The following VPS54 variants were observed in gnomAD, a reference collection of about 807,000 sequenced individuals.
VPS54 encodes VPS54 subunit of GARP complex, also known as vacuolar protein sorting-associated protein 54.
VPS54 carries 45 observed loss-of-function variants against 121.5 expected under a neutral mutation model. The observed-to-expected ratio is 0.37, with a 90% CI of 0.29 to 0.47. The LOEUF (loss-of-function observed/expected upper bound fraction) is 0.47. Among genes scored for constraint, VPS54 ranks in the 20% least tolerant of loss-of-function variants. VPS54 has a pLI of 0.99. For missense variants in VPS54, 1,090 were observed against 1,131.4 expected, an observed-to-expected ratio of 0.96 and a Z score of 0.52; for synonymous variants, 371 against 385.8, an observed-to-expected ratio of 0.96 and a Z score of 0.45.
chr2:63,988,838 G>A (rs1429938070), intron 1 of VPS54, among the ~76,000 whole-genome samples: 1 of 152,196 alleles, frequency 6.6e-6, no homozygotes, highest in Admixed American at 6.5e-5. Context: ...GCGATGTTCA[G>A]GGAACAAGGG....
chr2:63,944,488 T>C, intron 10 of VPS54, 112 bp downstream of exon 10: 1 of 1,015,070 alleles, frequency 9.9e-7, no homozygotes, highest in South Asian at 1.4e-5. Context: ...TCCTACACCC[T>C]GCTCACACCT....
intron 1 of VPS54, among the ~76,000 whole-genome samples, chr2:64,013,550 T>C (rs931121575): frequency 6.7e-6 from 1 of 148,154 alleles, no homozygotes; most frequent in African/African-American, 2.5e-5. Context: ...AATGCTGATA[T>C]ATATATATGA....
chr2:63,981,287 G>C (rs1306098706), intron 3 of VPS54, among the ~76,000 whole-genome samples: 1 of 152,068 alleles, frequency 6.6e-6, no homozygotes, highest in Non-Finnish European at 1.5e-5. Flanking sequence ...CTATAGAATT[G>C]TATGCAGTGA....
At chr2:63,902,393 C>T (rs1672717521) in intron 20 of VPS54, among the ~76,000 whole-genome samples, 1 of 152,126 alleles carries the variant, frequency 6.6e-6, no homozygotes, top group South Asian at 2.1e-4. Context: ...CTAAGGGTAA[C>T]AGCAGCAACA....
chr2:63,996,415 C>T (rs536812665), intron 1 of VPS54, among the ~76,000 whole-genome samples: 2 of 152,188 alleles, frequency 1.3e-5, no homozygotes, highest in South Asian at 4.1e-4. Flanking sequence ...ACCTCAGGAC[C>T]CTGTGATGAT....
intron 1 of VPS54, among the ~76,000 whole-genome samples, chr2:63,985,840 A>G (rs951552204): frequency 6.6e-6 from 1 of 152,200 alleles, no homozygotes; most frequent in Non-Finnish European, 1.5e-5. Context: ...GGCCTCTGTC[A>G]TTTATATCCA....
In VPS54 at chr2:63,981,730, A is replaced by C; in HGVS notation, c.294T>G (p.Phe98Leu). ...ATGAAGGTATGACTTCAGTGTCCAC[A>C]AAGTCCAATCCCCATGTTTTTGTGA... is the stretch of plus-strand genomic sequence containing the variant. ...DFFTKTWGLD[F>L]VDTEVIPSFY... is the part of the protein sequence containing the mutation. Residue 98 changes from phenylalanine to leucine, a missense_variant, in exon 3 of 23, where the codon TTT becomes TTG. Physicochemically the swap from Phe to Leu is conservative, Grantham distance 22. Coordinates refer to ENST00000272322, the MANE Select transcript of VPS54 (RefSeq NM_016516.3). 6.2e-7 allele frequency: 1 copy of C among 1,613,778 alleles called. No homozygotes were observed.
intron 9 of VPS54, 62 bp from the exon 10 acceptor site, chr2:63,944,717 C>A: frequency 7.0e-7 from 1 of 1,419,066 alleles, no homozygotes; most frequent in Admixed American, 1.9e-5. Flanking sequence ...CCTAAGTATT[C>A]CATGTTCCAT....
chr2:63,903,072 A>G (rs1672756148), intron 20 of VPS54, among the ~76,000 whole-genome samples: 1 of 152,158 alleles, frequency 6.6e-6, no homozygotes, highest in South Asian at 2.1e-4. Flanking sequence ...CCGAAATCTC[A>G]AGAGAGAAAT....
At chr2:63,982,622 T>A (rs999274635) in intron 2 of VPS54, among the ~76,000 whole-genome samples, 1 of 152,216 alleles carries the variant, frequency 6.6e-6, no homozygotes, top group African/African-American at 2.4e-5. Flanking sequence ...AACAGTACTA[T>A]AATTTATGCC....
chr2:63,957,512 ACAAT>A (rs1423766296), intron 7 of VPS54, among the ~76,000 whole-genome samples: 1 of 151,988 alleles, frequency 6.6e-6, no homozygotes, highest in African/African-American at 2.4e-5. Context: ...TTCAGGTAGT[ACAAT>A]CATTCAAAAT....
intron 4 of VPS54, among the ~76,000 whole-genome samples, chr2:63,970,890 T>C (rs1676255052): frequency 6.6e-6 from 1 of 152,156 alleles, no homozygotes; most frequent in African/African-American, 2.4e-5. Context: ...ACCATGCTAT[T>C]GTCCAGCATA....
chr2:63,941,052 G>C (rs1179241912), intron 11 of VPS54, among the ~76,000 whole-genome samples: 6 of 152,112 alleles, frequency 3.9e-5, no homozygotes, highest in African/African-American at 1.4e-4. Flanking sequence ...TCATACACAA[G>C]TACCAAAGTC....
intron 21 of VPS54, among the ~76,000 whole-genome samples, chr2:63,898,030 A>T (rs565811501): frequency 6.6e-6 from 1 of 152,306 alleles, no homozygotes; most frequent in East Asian, 1.9e-4. Flanking sequence ...CCTAACCTAA[A>T]ATTATATACA....
chr2:63,930,784 T>G (rs1311503386), intron 12 of VPS54, among the ~76,000 whole-genome samples: 4 of 152,124 alleles, frequency 2.6e-5, no homozygotes, highest in Admixed American at 6.5e-5. Flanking sequence ...CAGCCCAAAA[T>G]CTCCTTAAGC....
At chr2:64,005,576 G>GT (rs1678106808) in intron 1 of VPS54, among the ~76,000 whole-genome samples, 1 of 152,142 alleles carries the variant, frequency 6.6e-6, no homozygotes, top group African/African-American at 2.4e-5. Flanking sequence ...TCCATGAAGC[G>GT]TTTCTTATAT....
chr2:64,013,653 T>G (rs1453524848), intron 1 of VPS54, among the ~76,000 whole-genome samples: 1 of 145,484 alleles, frequency 6.9e-6, no homozygotes. Context: ...AATATATAGA[T>G]ATATATTGAT....
intron 11 of VPS54, among the ~76,000 whole-genome samples, chr2:63,935,199 T>A (rs1049385928): frequency 5.3e-5 from 8 of 152,192 alleles, no homozygotes; most frequent in African/African-American, 1.9e-4. Context: ...GTGTATTTTT[T>A]TAGTTGTATG....
Position 63,914,294 on chromosome 2 carries a change from GA to G in VPS54, c.2229-8del. The stretch of plus-strand genomic sequence containing the variant: ...TATTAACAGCAATACGGTTCTACAA[GA>G]AAAGAAAAATGGCCCAATAGGAAAT... On this transcript the variant is annotated splice_region_variant and splice_polypyrimidine_tract_variant and intron_variant, in intron 16 of 22. Coordinates refer to ENST00000272322, the MANE Select transcript of VPS54 (RefSeq NM_016516.3). 6.3e-7 allele frequency: 1 copy of G among 1,582,778 alleles called. No homozygotes were observed. The highest frequency in any genetic ancestry group is 8.6e-7 in the Non-Finnish European group (1 of 1,163,422).
Sources: allele counts gnomAD v4.1 joint callset (sites outside exome capture counted in the v4.1 genomes callset), GRCh38; gene constraint gnomAD v4.1.1; transcripts MANE v1.5; gene names NCBI Gene and HGNC (gene_info 2026-07-23, HGNC 2026-07-21).